The following MSRA variants were observed in gnomAD, a reference collection of about 807,000 sequenced individuals.
The protein encoded by MSRA is methionine sulfoxide reductase A.
A neutral mutation model predicts 31.3 loss-of-function variants in MSRA; 54 were observed. That is an observed-to-expected ratio of 1.73 (90% CI 1.39 to 2.17). The LOEUF is 2.17. Ranked by LOEUF, MSRA falls within the 30% of genes most tolerant of loss-of-function variation. The pLI is 0.00. For synonymous variants in MSRA, 169 were observed against 116.5 expected, an observed-to-expected ratio of 1.45 and a Z score of -2.90; for missense variants, 507 against 300.9, an observed-to-expected ratio of 1.69 and a Z score of -5.07.
intron 1 of MSRA, among the ~76,000 whole-genome samples, chr8:10,123,345 C>A (rs1406972363): frequency 6.6e-6 from 1 of 152,166 alleles, no homozygotes; most frequent in African/African-American, 2.4e-5. Flanking sequence ...AGTGTCTGTT[C>A]ATGCCCTTTG....
chr8:10,326,354 T>C (rs1802361743), intron 5 of MSRA: 1 of 152,188 alleles, frequency 6.6e-6, no homozygotes, highest in Non-Finnish European at 1.5e-5. Flanking sequence ...AAACCAAAAG[T>C]GATTTTCCAT....
At chr8:10,291,637 G>C (rs756440777) in intron 3 of MSRA, among the ~76,000 whole-genome samples, 4 of 152,028 alleles carry the variant, frequency 2.6e-5, no homozygotes, top group African/African-American at 7.2e-5. Flanking sequence ...TTTGAATCTC[G>C]TGTGGGAAAA....
At chr8:10,383,965 G>T (rs1424461882) in intron 5 of MSRA, among the ~76,000 whole-genome samples, 4 of 152,284 alleles carry the variant, frequency 2.6e-5, no homozygotes, top group African/African-American at 9.6e-5. Context: ...GGCTCAGAGG[G>T]TGAGGGCTGC....
At chr8:10,393,417 G>T (rs1806887715) in intron 5 of MSRA, among the ~76,000 whole-genome samples, 1 of 152,180 alleles carries the variant, frequency 6.6e-6, no homozygotes, top group East Asian at 1.9e-4. Flanking sequence ...TAGGGAAAAC[G>T]GGCCTATATT....
intron 1 of MSRA, among the ~76,000 whole-genome samples, chr8:10,128,015 C>T (rs1801624099): frequency 2.6e-5 from 4 of 151,902 alleles, no homozygotes; most frequent in Non-Finnish European, 5.9e-5. Context: ...TGGTGCATTT[C>T]CAGAGAGGAG....
rs61612424 is a variant in MSRA, at chr8:10,154,183, C to T, written c.143-53650C>T. Among the ~76,000 whole-genome samples the T allele has an allele frequency of 8.5e-5, 13 of 152,284 alleles. No homozygotes were observed. In the South Asian group the frequency reaches 1.0e-3, roughly 12 times the overall value. On this transcript the variant is annotated intron_variant, in intron 1 of 5. Coordinates refer to ENST00000317173, the MANE Select transcript of MSRA (RefSeq NM_012331.5). ...TGTTGAGGGATGGGAATTTGTCAAA[C>T]GCAGTCACTGAATCTGTGTGGTGGA... is the stretch of plus-strand genomic sequence containing the variant.
intron 1 of MSRA, among the ~76,000 whole-genome samples, chr8:10,098,869 G>A (rs1221595440): frequency 6.6e-6 from 1 of 152,212 alleles, no homozygotes; most frequent in African/African-American, 2.4e-5. Context: ...GTCAAAGCAG[G>A]TGTAATTGAA....
chr8:10,137,581 A>G (rs1021290528), intron 1 of MSRA, among the ~76,000 whole-genome samples: 12 of 152,224 alleles, frequency 7.9e-5, no homozygotes, highest in South Asian at 2.1e-4. Context: ...TAAGCTTAGT[A>G]GGAATCAGTC....
At chr8:10,231,396 C>G (rs1245648042) in intron 2 of MSRA, among the ~76,000 whole-genome samples, 1 of 152,178 alleles carries the variant, frequency 6.6e-6, no homozygotes, top group Non-Finnish European at 1.5e-5. Flanking sequence ...AAAACAGAGA[C>G]AGAAGATATT....
chr8:10,212,723 T>C (rs889983777), intron 2 of MSRA, among the ~76,000 whole-genome samples: 15 of 152,178 alleles, frequency 9.9e-5, no homozygotes, highest in Non-Finnish European at 1.8e-4. Flanking sequence ...TTACTTGAGA[T>C]ATTCAGATGG....
chr8:10,390,469 TC>T (rs756315550), intron 5 of MSRA, among the ~76,000 whole-genome samples: 7 of 152,048 alleles, frequency 4.6e-5, no homozygotes, highest in Non-Finnish European at 8.8e-5. Flanking sequence ...TCCTCCCCAC[TC>T]CCACCCGTGT....
At chr8:10,394,884 G>C (rs556056642) in intron 5 of MSRA, among the ~76,000 whole-genome samples, 1 of 152,358 alleles carries the variant, frequency 6.6e-6, no homozygotes, top group Non-Finnish European at 1.5e-5. Flanking sequence ...CTTATTGATT[G>C]TAAATCAGTG....
chr8:10,144,657 C>T (rs749220435), intron 1 of MSRA, among the ~76,000 whole-genome samples: 4 of 150,816 alleles, frequency 2.7e-5, no homozygotes, highest in Non-Finnish European at 5.9e-5. Context: ...GTGCCCAACC[C>T]CCAAGTATAA....
At chr8:10,064,519 A>G (rs1563388931) in intron 1 of MSRA, among the ~76,000 whole-genome samples, 1 of 152,236 alleles carries the variant, frequency 6.6e-6, no homozygotes, top group East Asian at 1.9e-4. Context: ...GAAGGCTAGT[A>G]ATAATGAAAC....
intron 5 of MSRA, among the ~76,000 whole-genome samples, chr8:10,414,601 C>T (rs185746199): frequency 6.6e-6 from 1 of 152,278 alleles, no homozygotes; most frequent in East Asian, 1.9e-4. Flanking sequence ...GAATGAGAAG[C>T]GGTGACATTC....
At chr8:10,185,436 T>C (rs1050959828) in intron 1 of MSRA, among the ~76,000 whole-genome samples, 1 of 152,176 alleles carries the variant, frequency 6.6e-6, no homozygotes, top group African/African-American at 2.4e-5. Flanking sequence ...TGGGGTAAGA[T>C]GGACAACCCT....
chr8:10,060,945 A>G (rs942084174), intron 1 of MSRA, among the ~76,000 whole-genome samples: 1 of 152,234 alleles, frequency 6.6e-6, no homozygotes, highest in Non-Finnish European at 1.5e-5. Flanking sequence ...AAAGAAAATG[A>G]TAGAAAACAG....
chr8:10,310,268 C>G (rs545218152), intron 4 of MSRA, among the ~76,000 whole-genome samples: 22 of 152,256 alleles, frequency 1.4e-4, no homozygotes, highest in Admixed American at 4.6e-4. Flanking sequence ...GCTACCCAAA[C>G]CCAGCATTAT....
chr8:10,321,331 G>A (rs1474572812), intron 5 of MSRA, among the ~76,000 whole-genome samples: 1 of 152,106 alleles, frequency 6.6e-6, no homozygotes, highest in Non-Finnish European at 1.5e-5. Flanking sequence ...ACAGCCCCCA[G>A]GAATGAGTGC....
Sources: allele counts gnomAD v4.1 joint callset (sites outside exome capture counted in the v4.1 genomes callset), GRCh38; gene constraint gnomAD v4.1.1; transcripts MANE v1.5; gene names NCBI Gene and HGNC (gene_info 2026-07-23, HGNC 2026-07-21).